Variants in TMEM163 observed in about 807,000 individuals in gnomAD.
TMEM163 encodes transmembrane protein 163.
A neutral mutation model predicts 29.3 loss-of-function variants in TMEM163; 17 were observed. The ratio of observed to expected loss-of-function variants is 0.58; its 90% confidence interval spans 0.40 to 0.87. TMEM163 has a LOEUF of 0.87. TMEM163 is among the 40% of genes least tolerant of loss of function. TMEM163 has a pLI of 0.00. For missense variants in TMEM163, 303 were observed against 381.5 expected, an observed-to-expected ratio of 0.79 and a Z score of 1.71; for synonymous variants, 157 against 160.6, an observed-to-expected ratio of 0.98 and a Z score of 0.17.
At chr2:134,639,025 G>C (rs1325187599) in intron 2 of TMEM163, among the ~76,000 whole-genome samples, 1 of 152,170 alleles carries the variant, frequency 6.6e-6, no homozygotes, top group Non-Finnish European at 1.5e-5. Flanking sequence ...GAGGGGTACA[G>C]AGCGCCAAGT....
chr2:134,617,632 T>C (rs1168718380), intron 2 of TMEM163, among the ~76,000 whole-genome samples: 5 of 147,394 alleles, frequency 3.4e-5, no homozygotes, highest in Non-Finnish European at 6.0e-5. Flanking sequence ...GGAATTAAAA[T>C]GGTATACTAG....
At chr2:134,574,066 C>T (rs996006524) in intron 2 of TMEM163, among the ~76,000 whole-genome samples, 2 of 152,126 alleles carry the variant, frequency 1.3e-5, no homozygotes, top group African/African-American at 4.8e-5. Flanking sequence ...ATTTTAGAAA[C>T]CACTGTGAAA....
intron 5 of TMEM163, among the ~76,000 whole-genome samples, chr2:134,501,943 T>C (rs947251035): frequency 6.6e-6 from 1 of 152,184 alleles, no homozygotes. Context: ...ACTAATCATT[T>C]ACAAGGGAGT....
intron 5 of TMEM163, among the ~76,000 whole-genome samples, chr2:134,477,403 A>G (rs1686942382): frequency 2.0e-5 from 3 of 152,220 alleles, no homozygotes; most frequent in Admixed American, 2.0e-4. Flanking sequence ...AGCATGGTAT[A>G]TACATGATGT....
chr2:134,554,777 C>G (rs1403854341), intron 2 of TMEM163, among the ~76,000 whole-genome samples: 1 of 152,098 alleles, frequency 6.6e-6, no homozygotes, highest in Non-Finnish European at 1.5e-5. Context: ...TATGCAGGAA[C>G]GATCCGCTTG....
At chr2:134,547,668 T>C (rs998147981) in intron 4 of TMEM163, among the ~76,000 whole-genome samples, 1 of 152,198 alleles carries the variant, frequency 6.6e-6, no homozygotes, top group Non-Finnish European at 1.5e-5. Flanking sequence ...AAGCCAACAA[T>C]ATAGAGGATT....
At chr2:134,546,340 T>C (rs374975632) in intron 4 of TMEM163, among the ~76,000 whole-genome samples, 4 of 152,170 alleles carry the variant, frequency 2.6e-5, no homozygotes, top group Non-Finnish European at 4.4e-5. Context: ...ATATTTACAA[T>C]AGAATATTAT....
chr2:134,617,203 T>C (rs1682625728), intron 2 of TMEM163, among the ~76,000 whole-genome samples: 1 of 152,204 alleles, frequency 6.6e-6, no homozygotes, highest in Non-Finnish European at 1.5e-5. Context: ...AGGCAGTTTC[T>C]ATATTTTTCT....
intron 2 of TMEM163, among the ~76,000 whole-genome samples, chr2:134,648,512 C>T (rs1176588970): frequency 1.3e-5 from 2 of 152,252 alleles, no homozygotes; most frequent in Non-Finnish European, 2.9e-5. Flanking sequence ...GGGACCCACC[C>T]TCTTCTGCCC....
chr2:134,678,152 C>T (rs1277151494), intron 2 of TMEM163, among the ~76,000 whole-genome samples: 2 of 152,182 alleles, frequency 1.3e-5, no homozygotes, highest in Non-Finnish European at 2.9e-5. Context: ...TATTTAAAGT[C>T]GTTTTTATCA....
At chr2:134,515,225 T>C (rs989206951) in intron 4 of TMEM163, among the ~76,000 whole-genome samples, 16 of 152,114 alleles carry the variant, frequency 1.1e-4, no homozygotes, top group African/African-American at 3.9e-4. Flanking sequence ...GAAAACCACC[T>C]GAGTGAATAA....
intron 2 of TMEM163, among the ~76,000 whole-genome samples, chr2:134,647,919 C>T (rs967061456): frequency 1.3e-5 from 2 of 152,186 alleles, no homozygotes; most frequent in African/African-American, 4.8e-5. Flanking sequence ...GGAGGGTGCC[C>T]ACGACCCCTG....
At chr2:134,581,210 A>T (rs1466379835) in intron 2 of TMEM163, among the ~76,000 whole-genome samples, 2 of 152,114 alleles carry the variant, frequency 1.3e-5, no homozygotes, top group Non-Finnish European at 2.9e-5. Context: ...GTTAACCTTG[A>T]TCTTCCTTTT....
At chr2:134,634,289 T>G (rs886406996) in intron 2 of TMEM163, among the ~76,000 whole-genome samples, 2 of 152,066 alleles carry the variant, frequency 1.3e-5, no homozygotes, top group Non-Finnish European at 2.9e-5. Flanking sequence ...CAGCCAGGCT[T>G]TGGCATCTGC....
chr2:134,597,554 G>A (rs975294217), intron 2 of TMEM163, among the ~76,000 whole-genome samples: 1 of 152,150 alleles, frequency 6.6e-6, no homozygotes, highest in African/African-American at 2.4e-5. Flanking sequence ...ATATTCATCA[G>A]GGATATTGGT....
In TMEM163 at chr2:134,655,399, C is replaced by T. The variant is rs200465075; in HGVS notation, c.322+57801G>A. On this transcript the variant is annotated intron_variant, in intron 2 of 7. Transcript: ENST00000281924. ...CTCGAGCCTTGGTTTTCAGCTCCAT[C>T]AGCTCCTTTAAGCACTTCTCTGTAT... Among the ~76,000 whole-genome samples, 12 of 104,972 alleles carry T rather than the reference C, an allele frequency of 1.1e-4. No individual in the cohort carries two copies. The East Asian group carries it at 2.7e-3, about 24-fold the overall frequency. 68.9% of individuals were successfully genotyped at this position (104,972 alleles called of 152,430 possible). A position where few individuals can be genotyped will look rare whatever the true frequency, so the allele number is the denominator to read the frequency against.
chr2:134,597,640 G>C (rs182040930), intron 2 of TMEM163, among the ~76,000 whole-genome samples: 1 of 152,198 alleles, frequency 6.6e-6, no homozygotes, highest in Non-Finnish European at 1.5e-5. Flanking sequence ...GAATGAGTTA[G>C]GGAGGATTCC....
chr2:134,458,675 G>C (rs932123898), intron 6 of TMEM163: 1 of 155,894 alleles, frequency 6.4e-6, no homozygotes, highest in Non-Finnish European at 1.4e-5. Context: ...CCTGCTTTCC[G>C]ATGAGAAAAC....
intron 2 of TMEM163, among the ~76,000 whole-genome samples, chr2:134,680,192 A>G (rs1684199907): frequency 6.6e-6 from 1 of 152,248 alleles, no homozygotes; most frequent in South Asian, 2.1e-4. Context: ...TTTGGAGCAA[A>G]AAATCTTAAA....
Sources: gnomAD v4.1 joint callset for allele counts (sites outside exome capture counted in the v4.1 genomes callset) on GRCh38, gnomAD v4.1.1 for gene constraint, MANE v1.5 for transcripts, NCBI Gene and HGNC (gene_info 2026-07-23, HGNC 2026-07-21) for gene names.